LRRIQ1: variants seen among roughly 807,000 people sequenced by gnomAD.
LRRIQ1 encodes leucine-rich repeat- and IQ domain-containing protein 1.
Under a neutral mutation model 211.9 loss-of-function variants are expected in LRRIQ1, and 210 were observed. The observed-to-expected ratio is 0.99, with a 90% confidence interval of 0.89 to 1.11. The LOEUF (loss-of-function observed/expected upper bound fraction) is 1.11, where lower values mean the gene tolerates loss of function less well. LRRIQ1 is among the 50% of genes most tolerant of loss of function. The pLI, the probability that LRRIQ1 is intolerant of heterozygous loss-of-function variation, is 0.00. For missense variants in LRRIQ1, 2,136 were observed against 1,939.5 expected (o/e 1.10, Z -1.90); for synonymous variants, 699 against 650.1 (o/e 1.08, Z -1.14).
At chr12:85,064,721 G>T (rs1239344350) in intron 8 of LRRIQ1, among the ~76,000 whole-genome samples, 1 of 151,804 alleles carries the variant, frequency 6.6e-6, no homozygotes, top group Non-Finnish European at 1.5e-5. Flanking sequence ...AGAGATGGGG[G>T]TCTAGTTTCA....
chr12:85,074,007 A>G (rs1007102868), intron 11 of LRRIQ1, among the ~76,000 whole-genome samples: 10 of 152,042 alleles, frequency 6.6e-5, no homozygotes, highest in Non-Finnish European at 1.3e-4. Context: ...CAATACCACA[A>G]TATTTCACAT....
Position 85,183,384 on chromosome 12 carries a change from T to A in LRRIQ1, c.4822+22670T>A, listed in dbSNP as rs1331095654. Reference sequence around the variant, plus strand: ...CCCTGACACTACATGCCTTGTAGACTGAAAAAAAAATCATTTTAATTATCA... The same window carrying A: ...CCCTGACACTACATGCCTTGTAGACAGAAAAAAAAATCATTTTAATTATCA... On this transcript the variant is annotated intron_variant, in intron 24 of 26. Coordinates refer to ENST00000393217, the MANE Select transcript of LRRIQ1 (RefSeq NM_001079910.2). 1.4e-4 allele frequency among the ~76,000 whole-genome samples: 22 copies of A among 151,924 alleles called. 1 individual carries two copies. Among genetic ancestry groups the A allele is most frequent in the Admixed American group, 1.4e-3 (21 of 15,234 alleles).
chr12:85,269,913 C>T, the LRRIQ1 span, among the ~76,000 whole-genome samples: 4 of 151,874 alleles, frequency 2.6e-5, no homozygotes, highest in East Asian at 1.9e-4. Context: ...TGTCAGTATT[C>T]GTGGGTTCTT....
At chr12:85,068,152 A>C (rs1250275852) in intron 10 of LRRIQ1, among the ~76,000 whole-genome samples, 2 of 151,918 alleles carry the variant, frequency 1.3e-5, no homozygotes, top group South Asian at 4.1e-4. Flanking sequence ...ATCGCCAAAA[A>C]GTTGGGAACT....
intron 24 of LRRIQ1, among the ~76,000 whole-genome samples, chr12:85,206,797 T>C (rs760492317): frequency 1.4e-4 from 22 of 152,042 alleles, no homozygotes; most frequent in Non-Finnish European, 3.2e-4. Flanking sequence ...ATGGCCAAGC[T>C]TGGGCCCCAG....
intron 24 of LRRIQ1, among the ~76,000 whole-genome samples, chr12:85,183,070 A>G (rs1238250193): frequency 2.0e-5 from 3 of 152,188 alleles, no homozygotes; most frequent in Non-Finnish European, 2.9e-5. Context: ...TAAAACTTAA[A>G]AATAAAATCT....
downstream of LRRIQ1, among the ~76,000 whole-genome samples, chr12:85,245,829 T>C (rs1019361887): frequency 2.0e-5 from 3 of 150,888 alleles, no homozygotes; most frequent in Non-Finnish European, 4.5e-5. Context: ...TTATAATTAT[T>C]ATTTTTGAAA....
intron 15 of LRRIQ1, among the ~76,000 whole-genome samples, chr12:85,107,087 C>G (rs1433138238): frequency 2.0e-5 from 3 of 151,970 alleles, no homozygotes; most frequent in African/African-American, 7.2e-5. Context: ...TGGAATATTG[C>G]AATACCTAAA....
rs1005617112 is a variant in LRRIQ1 at position 85,196,604 on chromosome 12, T to C, written c.4823-32913T>C. Reference sequence around the variant, plus strand: ...GGATTCCCTGTTTAATAAATGGTGCTGGGAAAACTGGCTAGCCATATGTAG... The same window carrying C: ...GGATTCCCTGTTTAATAAATGGTGCCGGGAAAACTGGCTAGCCATATGTAG... On this transcript the variant is annotated intron_variant, in intron 24 of 26. Transcript: ENST00000393217. 1.5e-3 allele frequency among the ~76,000 whole-genome samples: 235 copies of C among 152,238 alleles called. 1 individual carries two copies. Among genetic ancestry groups the C allele is most frequent in the Non-Finnish European group, 2.6e-3 (179 of 68,014 alleles).
intron 24 of LRRIQ1, among the ~76,000 whole-genome samples, chr12:85,182,135 A>G (rs915054630): frequency 1.3e-5 from 2 of 152,050 alleles, no homozygotes; most frequent in African/African-American, 4.8e-5. Flanking sequence ...CATGTTCCCA[A>G]AAAAGTCAAT....
chr12:85,168,901 T>C (rs1462604892), intron 24 of LRRIQ1, among the ~76,000 whole-genome samples: 3 of 152,182 alleles, frequency 2.0e-5, no homozygotes, highest in Non-Finnish European at 2.9e-5. Flanking sequence ...ATGAAGTTTG[T>C]GCCTTGGTCA....
At chr12:85,052,393 C>T (rs996227202) in intron 7 of LRRIQ1, 142 bp downstream of exon 7, 109 of 447,204 alleles carry the variant, frequency 2.4e-4, no homozygotes, top group Non-Finnish European at 5.6e-5. Flanking sequence ...ATTTATTAAT[C>T]CTCAGAAACA....
intron 18 of LRRIQ1, among the ~76,000 whole-genome samples, chr12:85,134,930 A>G (rs1184696411): frequency 3.3e-5 from 5 of 152,014 alleles, no homozygotes; most frequent in African/African-American, 1.2e-4. Flanking sequence ...ATATTTTAGC[A>G]TGAACTTCTA....
chr12:85,059,619 C>A (rs1163005303), intron 8 of LRRIQ1, among the ~76,000 whole-genome samples: 2 of 151,960 alleles, frequency 1.3e-5, no homozygotes, highest in Non-Finnish European at 2.9e-5. Context: ...AAAAATTCTA[C>A]GCTAAACTAT....
In LRRIQ1 at chr12:85,121,831, T is replaced by A; in HGVS notation, c.3512T>A (p.Ile1171Asn). The A allele has an allele frequency of 6.2e-7, 1 of 1,606,410 alleles. No homozygotes were observed. The highest frequency in any genetic ancestry group is 8.5e-7 in the Non-Finnish European group (1 of 1,176,664). ...AGFLALCQSQ[I>N]REFNLLIENY... ...TTCCTGGCACTTTGTCAGTCTCAGA[T>A]TCGAGAATTCAACTTGCTAATTGAA... The change falls in exon 16 of 27, where the codon ATT becomes AAT. Residue 1171 changes from isoleucine to asparagine, a missense_variant. Physicochemically the swap from Ile to Asn is moderately radical, Grantham distance 149. Coordinates refer to ENST00000393217, the MANE Select transcript of LRRIQ1 (RefSeq NM_001079910.2).
chr12:85,181,930 A>G (rs1326034357), intron 24 of LRRIQ1, among the ~76,000 whole-genome samples: 1 of 151,982 alleles, frequency 6.6e-6, no homozygotes, highest in Admixed American at 6.6e-5. Flanking sequence ...TTTTTCATGT[A>G]TTTTTCTTTG....
At chr12:85,063,830 T>G (rs78460394) in intron 8 of LRRIQ1, among the ~76,000 whole-genome samples, 4,773 of 151,776 alleles carry the variant, frequency 0.031, 253 homozygotes, top group African/African-American at 0.11. Flanking sequence ...ACTTAATGAC[T>G]TCCAATTTTA....
At chr12:85,226,036 G>A (rs1009986922) in intron 24 of LRRIQ1, among the ~76,000 whole-genome samples, 63 of 152,078 alleles carry the variant, frequency 4.1e-4, no homozygotes, top group Middle Eastern at 3.4e-3. Context: ...TATGCCTTGG[G>A]GTTAAAATGG....
chr12:85,068,838 T>C (rs1016486454), intron 10 of LRRIQ1, among the ~76,000 whole-genome samples: 1 of 151,578 alleles, frequency 6.6e-6, no homozygotes, highest in African/African-American at 2.4e-5. Flanking sequence ...GTGAATTGTC[T>C]TACAGAATGT....
Sources: allele counts gnomAD v4.1 joint callset (sites outside exome capture counted in the v4.1 genomes callset), GRCh38; gene constraint gnomAD v4.1.1; transcripts MANE v1.5; gene names NCBI Gene and HGNC (gene_info 2026-07-23, HGNC 2026-07-21).